KCNQ5: variants seen among roughly 807,000 people sequenced by gnomAD.
KCNQ5 encodes potassium voltage-gated channel subfamily Q member 5, also known as potassium voltage-gated channel subfamily KQT member 5.
Under a neutral mutation model 98.2 loss-of-function variants are expected in KCNQ5, and 30 were observed. That is an observed-to-expected ratio of 0.31 (90% CI 0.23 to 0.41). The LOEUF is 0.41. KCNQ5 is among the 10% of genes least tolerant of loss of function. The pLI is 1.00. For synonymous variants in KCNQ5, 458 were observed against 449.4 expected (o/e 1.02, Z -0.24); for missense variants, 835 against 1,182.5 (o/e 0.71, Z 4.31).
intron 2 of KCNQ5, among the ~76,000 whole-genome samples, chr6:73,036,213 C>T (rs1176902477): frequency 6.6e-6 from 1 of 151,664 alleles, no homozygotes; most frequent in East Asian, 1.9e-4. Flanking sequence ...GGTGAAACCA[C>T]GTCTCTACTA....
At chr6:72,983,730 C>T (rs971588209) in intron 1 of KCNQ5, among the ~76,000 whole-genome samples, 12 of 152,154 alleles carry the variant, frequency 7.9e-5, no homozygotes, top group Non-Finnish European at 1.3e-4. Flanking sequence ...TGAGGCGCTG[C>T]GATCCTTTGG....
intron 1 of KCNQ5, among the ~76,000 whole-genome samples, chr6:72,846,089 GA>G (rs1376426871): frequency 6.6e-6 from 1 of 152,170 alleles, no homozygotes; most frequent in Non-Finnish European, 1.5e-5. Context: ...GTTAATGGGT[GA>G]ACGATTGTTA....
At chr6:72,669,803 G>A (rs1434843821) in intron 1 of KCNQ5, among the ~76,000 whole-genome samples, 2 of 152,042 alleles carry the variant, frequency 1.3e-5, no homozygotes, top group African/African-American at 2.4e-5. Flanking sequence ...GTGCTGAGAT[G>A]GCTGATTACA....
intron 3 of KCNQ5, among the ~76,000 whole-genome samples, chr6:73,065,314 C>T (rs1454842246): frequency 6.6e-6 from 1 of 152,194 alleles, no homozygotes; most frequent in Non-Finnish European, 1.5e-5. Context: ...TCTCATCCCA[C>T]AGTCAGTCCT....
rs189028510 is a variant in KCNQ5 at position 72,886,728 on chromosome 6, C to T, written c.399-117180C>T. Among the ~76,000 whole-genome samples the T allele has an allele frequency of 1.9e-3, 285 of 152,134 alleles. 1 individual carries two copies. Among genetic ancestry groups the T allele is most frequent in the Non-Finnish European group, 3.4e-3 (234 of 67,992 alleles). On this transcript the variant is annotated intron_variant, in intron 1 of 13. Transcript: ENST00000370398. The stretch of plus-strand genomic sequence containing the variant: ...TGACAATTAGACTGACAATTCTTAG[C>T]AATAACGGAATATAGAAGACTGAAA...
chr6:72,703,824 A>G (rs1179265332), intron 1 of KCNQ5, among the ~76,000 whole-genome samples: 1 of 152,226 alleles, frequency 6.6e-6, no homozygotes, highest in Non-Finnish European at 1.5e-5. Context: ...TAGGATGAAG[A>G]CATTTGATAT....
chr6:72,845,226 A>C (rs542771505), intron 1 of KCNQ5, among the ~76,000 whole-genome samples: 1 of 152,348 alleles, frequency 6.6e-6, no homozygotes, highest in Admixed American at 6.5e-5. Context: ...ACTAGCAAAA[A>C]GAATGACCGT....
chr6:72,777,861 G>A (rs779560078), intron 1 of KCNQ5, among the ~76,000 whole-genome samples: 28 of 152,168 alleles, frequency 1.8e-4, no homozygotes, highest in African/African-American at 6.0e-4. Context: ...GTGGGTGATT[G>A]TGCTGCCTAT....
At chr6:72,988,807 C>T (rs1375585455) in intron 1 of KCNQ5, among the ~76,000 whole-genome samples, 3 of 99,092 alleles carry the variant, frequency 3.0e-5, no homozygotes, top group Non-Finnish European at 6.1e-5. Flanking sequence ...CCTCCCCCCT[C>T]CCCCGACCCC....
At chr6:72,736,700 C>T (rs1304818232) in intron 1 of KCNQ5, among the ~76,000 whole-genome samples, 1 of 149,486 alleles carries the variant, frequency 6.7e-6, no homozygotes, top group Non-Finnish European at 1.5e-5. Context: ...GGGGTTTCAC[C>T]GTTTTAGCCG....
chr6:72,714,402 G>T (rs1769534724), intron 1 of KCNQ5, among the ~76,000 whole-genome samples: 1 of 151,784 alleles, frequency 6.6e-6, no homozygotes, highest in African/African-American at 2.4e-5. Context: ...TAACCCTTTT[G>T]GTAGAAAGGC....
chr6:72,792,567 T>G (rs1462988342), intron 1 of KCNQ5, among the ~76,000 whole-genome samples: 1 of 152,182 alleles, frequency 6.6e-6, no homozygotes, highest in East Asian at 1.9e-4. Flanking sequence ...TTTTCAGTCT[T>G]AATTTAGAAT....
chr6:72,655,022 G>GTCTTTCTT lies in KCNQ5; in HGVS notation c.398+32438_398+32439insTTCTTTCT, dbSNP rs1254231605. On this transcript the variant is annotated intron_variant, in intron 1 of 13. Transcript: ENST00000370398. ...TTTCCATGTTTAATAGCCAAGGTCTGTCTGTCTTTCTTTCTTTCTTTCTTT... is the reference window on the plus strand; with the variant it reads ...TTTCCATGTTTAATAGCCAAGGTCTGTCTTTCTTTCTGTCTTTCTTTCTTTCTTTCTTT... Among the ~76,000 whole-genome samples the GTCTTTCTT allele has an allele frequency of 7.8e-3, 921 of 118,740 alleles. 21 individuals are homozygous for GTCTTTCTT. The highest frequency in any genetic ancestry group is 0.02 in the East Asian group (61 of 3,014). 77.9% of individuals were successfully genotyped at this position (118,740 alleles called of 152,430 possible). A position where few individuals can be genotyped will look rare whatever the true frequency, so the allele number is the denominator to read the frequency against.
chr6:72,910,561 GGGGT>G (rs56006907), intron 1 of KCNQ5, among the ~76,000 whole-genome samples: 53,729 of 102,618 alleles, frequency 0.52, 10,299 homozygotes, highest in East Asian at 0.62. Context: ...GAAAGGTAGG[GGGGT>G]GTGTGTGTGT....
chr6:72,982,608 G>T (rs1342813392), intron 1 of KCNQ5, among the ~76,000 whole-genome samples: 1 of 150,632 alleles, frequency 6.6e-6, no homozygotes, highest in Non-Finnish European at 1.5e-5. Flanking sequence ...GCACACTGAT[G>T]GGTCTTGACT....
At chr6:72,889,480 C>T (rs1778976912) in intron 1 of KCNQ5, among the ~76,000 whole-genome samples, 1 of 152,128 alleles carries the variant, frequency 6.6e-6, no homozygotes, top group Non-Finnish European at 1.5e-5. Flanking sequence ...TCCTTTCTTG[C>T]CATCTCTGAT....
At chr6:72,673,168 A>G (rs1767225120) in intron 1 of KCNQ5, among the ~76,000 whole-genome samples, 1 of 152,070 alleles carries the variant, frequency 6.6e-6, no homozygotes, top group Non-Finnish European at 1.5e-5. Context: ...GGAGTCAAGG[A>G]CTGTTAACTC....
At chr6:72,860,745 C>T (rs1582426988) in intron 1 of KCNQ5, among the ~76,000 whole-genome samples, 1 of 152,030 alleles carries the variant, frequency 6.6e-6, no homozygotes, top group African/African-American at 2.4e-5. Context: ...GTATTTCATA[C>T]ACTTTGAGGT....
intron 2 of KCNQ5, among the ~76,000 whole-genome samples, chr6:73,021,575 G>A (rs548308071): frequency 2.0e-5 from 3 of 152,230 alleles, no homozygotes; most frequent in African/African-American, 7.2e-5. Context: ...TAGCCCCAGT[G>A]CCTAGAACAA....
Sources: allele counts gnomAD v4.1 joint callset (sites outside exome capture counted in the v4.1 genomes callset), GRCh38; gene constraint gnomAD v4.1.1; transcripts MANE v1.5; gene names NCBI Gene and HGNC (gene_info 2026-07-23, HGNC 2026-07-21).